Variants in SUMF1 observed in about 807,000 individuals in gnomAD.
SUMF1 encodes the protein sulfatase modifying factor 1, also known as formylglycine-generating enzyme.
A neutral mutation model predicts 47.6 loss-of-function variants in SUMF1; 48 were observed. The observed-to-expected ratio is 1.01, with a 90% CI of 0.80 to 1.28. The LOEUF (loss-of-function observed/expected upper bound fraction) is 1.28. Among genes scored for constraint, SUMF1 ranks in the 50% most tolerant of loss-of-function variants. The pLI is 0.00. For missense variants in SUMF1, 571 were observed against 485.4 expected (o/e 1.18, Z -1.66); for synonymous variants, 230 against 192.1 (o/e 1.20, Z -1.63).
At chr3:4,358,770 C>T (rs1174652191), downstream of SUMF1, among the ~76,000 whole-genome samples, 1 of 152,186 alleles carries the variant, frequency 6.6e-6, no homozygotes, top group Admixed American at 6.5e-5. Flanking sequence ...TTAAAGTCGA[C>T]TGATGGAGAA....
chr3:4,458,665 C>A (rs2079729840), intron 1 of SUMF1, among the ~76,000 whole-genome samples: 1 of 152,136 alleles, frequency 6.6e-6, no homozygotes, highest in Non-Finnish European at 1.5e-5. Flanking sequence ...ACCATCCTGG[C>A]TAACACGGTG....
intron 8 of SUMF1, among the ~76,000 whole-genome samples, chr3:4,197,567 A>G (rs1247328355): frequency 6.6e-6 from 1 of 152,162 alleles, no homozygotes; most frequent in Non-Finnish European, 1.5e-5. Context: ...TCTGGAAAAG[A>G]ACAGGAGAAA....
intron 8 of SUMF1, among the ~76,000 whole-genome samples, chr3:4,314,719 T>G (rs1221501425): frequency 6.6e-6 from 1 of 152,154 alleles, no homozygotes; most frequent in South Asian, 2.1e-4. Context: ...CCGTTTAAAC[T>G]TCTAGAGCAG....
intron 3 of SUMF1, among the ~76,000 whole-genome samples, chr3:4,447,561 T>C (rs567754607): frequency 2.0e-5 from 3 of 151,644 alleles, no homozygotes; most frequent in Non-Finnish European, 4.4e-5. Context: ...CTTACTCTTC[T>C]GGAGACACTG....
chr3:4,325,083 A>G (rs1698913824), intron 8 of SUMF1, among the ~76,000 whole-genome samples: 1 of 152,152 alleles, frequency 6.6e-6, no homozygotes, highest in African/African-American at 2.4e-5. Flanking sequence ...GACTATCACA[A>G]GATCAGCATG....
intron 8 of SUMF1, among the ~76,000 whole-genome samples, chr3:4,184,479 A>AAAAAAAGG (rs759640492): frequency 2.9e-4 from 44 of 151,964 alleles, no homozygotes; most frequent in Non-Finnish European, 4.3e-4. Flanking sequence ...AGAAAAAAAG[A>AAAAAAAGG]AAGAAAAAAA....
intron 4 of SUMF1, among the ~76,000 whole-genome samples, chr3:4,418,914 C>T (rs1250004895): frequency 3.3e-5 from 5 of 152,202 alleles, no homozygotes; most frequent in Non-Finnish European, 7.3e-5. Context: ...ATTCCCTGCT[C>T]ACTTTTTTAA....
intron 9 of SUMF1, among the ~76,000 whole-genome samples, chr3:4,042,555 T>C (rs1332505731): frequency 1.3e-5 from 2 of 152,194 alleles, no homozygotes; most frequent in Non-Finnish European, 1.5e-5. Context: ...GTCACTCTTG[T>C]TATTTATCTT....
chr3:4,045,822 G>C (rs1343220328), intron 9 of SUMF1, among the ~76,000 whole-genome samples: 1 of 152,136 alleles, frequency 6.6e-6, no homozygotes, highest in Non-Finnish European at 1.5e-5. Flanking sequence ...GCAGGGATAG[G>C]TATCAGAAGT....
At chr3:4,221,803 T>G (rs1252886332) in intron 8 of SUMF1, among the ~76,000 whole-genome samples, 1 of 152,090 alleles carries the variant, frequency 6.6e-6, no homozygotes, top group African/African-American at 2.4e-5. Context: ...TAATATATAG[T>G]ATACATATAT....
chr3:4,456,916 G>A (rs548433565), intron 1 of SUMF1, among the ~76,000 whole-genome samples: 2 of 102,560 alleles, frequency 2.0e-5, no homozygotes, highest in Non-Finnish European at 4.1e-5. Flanking sequence ...ATCTATATAC[G>A]TGTGTGTGTA....
intron 1 of SUMF1, among the ~76,000 whole-genome samples, chr3:4,461,743 A>G (rs1001591031): frequency 3.3e-5 from 5 of 152,176 alleles, no homozygotes; most frequent in African/African-American, 1.2e-4. Flanking sequence ...GTGGATCATA[A>G]TTTCTCATTT....
At chr3:4,070,854 A>G (rs1695504787) in intron 8 of SUMF1, among the ~76,000 whole-genome samples, 1 of 151,938 alleles carries the variant, frequency 6.6e-6, no homozygotes, top group Non-Finnish European at 1.5e-5. Context: ...GATGGTCTCA[A>G]TCTCTTGACC....
chr3:4,313,426 A>C, intron 8 of SUMF1: 1 of 1,614,062 alleles, frequency 6.2e-7, no homozygotes. Context: ...TTGTGAGCCA[A>C]ACCTTTTGAT....
intron 8 of SUMF1, among the ~76,000 whole-genome samples, chr3:4,269,884 A>T (rs1356718503): frequency 1.3e-5 from 2 of 152,188 alleles, no homozygotes; most frequent in African/African-American, 4.8e-5. Context: ...AGCTGCTCTT[A>T]GCTACCTGCA....
intron 8 of SUMF1, among the ~76,000 whole-genome samples, chr3:4,335,959 T>TAAAAAAAAAAAAAAAAAA (rs1559230744): frequency 2.9e-4 from 2 of 6,802 alleles, no homozygotes; most frequent in African/African-American, 3.0e-3. Context: ...AGATTCCAAC[T>TAAAAAAAAAAAAAAAAAA]CAAAAAAAAA....
chr3:4,084,249 T>C (rs1203557701), intron 8 of SUMF1, among the ~76,000 whole-genome samples: 1 of 152,112 alleles, frequency 6.6e-6, no homozygotes, highest in Admixed American at 6.5e-5. Flanking sequence ...AAAATGCAAG[T>C]GGCATAAAAG....
At chr3:4,210,524 C>G (rs1695756558) in intron 8 of SUMF1, among the ~76,000 whole-genome samples, 1 of 152,140 alleles carries the variant, frequency 6.6e-6, no homozygotes. Context: ...AAGAACGACC[C>G]TTTCCCAGTC....
chr3:4,411,705 G>GA (rs35731250), intron 6 of SUMF1, among the ~76,000 whole-genome samples: 42,420 of 114,002 alleles, frequency 0.37, 7,095 homozygotes, highest in African/African-American at 0.41. Context: ...AGAGCAGGAG[G>GA]AAAAAAAAAA....
Sources: allele counts gnomAD v4.1 joint callset (sites outside exome capture counted in the v4.1 genomes callset), GRCh38; gene constraint gnomAD v4.1.1; transcripts MANE v1.5; gene names NCBI Gene and HGNC (gene_info 2026-07-23, HGNC 2026-07-21).